CWC27: variants seen among roughly 807,000 people sequenced by gnomAD.
The protein encoded by CWC27 is spliceosome-associated protein CWC27 homolog.
In CWC27, 47 loss-of-function variants were observed where a neutral mutation model predicts 63.6. The ratio of observed to expected loss-of-function variants is 0.74; its 90% CI spans 0.58 to 0.94. The LOEUF is 0.94. CWC27 is among the 40% of genes least tolerant of loss of function. The probability of loss-of-function intolerance (pLI) is 0.00; values close to 1 mark genes in which losing one functional copy is unlikely to be tolerated. For missense variants in CWC27, 495 were observed against 554.3 expected (o/e 0.89, Z 1.07); for synonymous variants, 175 against 179.8 (o/e 0.97, Z 0.22).
chr5:64,826,759 G>A (rs1474193474), intron 10 of CWC27, among the ~76,000 whole-genome samples: 1 of 141,228 alleles, frequency 7.1e-6, no homozygotes, highest in Non-Finnish European at 1.5e-5. Flanking sequence ...CATGTCTTCT[G>A]CTTTCAGTTT....
intron 10 of CWC27, among the ~76,000 whole-genome samples, chr5:64,849,230 CA>C (rs139344029): frequency 0.4 from 52,769 of 132,660 alleles, 9,992 homozygotes; most frequent in East Asian, 0.53. Context: ...CAATAGCTAC[CA>C]AAAAAAAAAA....
intron 2 of CWC27, among the ~76,000 whole-genome samples, chr5:64,775,811 C>T (rs61665435): frequency 0.52 from 79,222 of 151,764 alleles, 21,355 homozygotes; most frequent in East Asian, 0.85. Flanking sequence ...TTCTAGAATA[C>T]ATTACATATG....
chr5:64,927,169 A>C (rs889454940), intron 11 of CWC27, among the ~76,000 whole-genome samples: 1 of 152,222 alleles, frequency 6.6e-6, no homozygotes, highest in Non-Finnish European at 1.5e-5. Flanking sequence ...ACAGTTTCAG[A>C]ACAGTTACAT....
At chr5:64,969,794 C>G (rs981735415) in intron 11 of CWC27, among the ~76,000 whole-genome samples, 1 of 152,092 alleles carries the variant, frequency 6.6e-6, no homozygotes, top group Admixed American at 6.5e-5. Flanking sequence ...AAAGGAGAGA[C>G]ATCTAAACCA....
At chr5:64,808,231 A>C in intron 10 of CWC27, 1 of 1,008,488 alleles carries the variant, frequency 9.9e-7, no homozygotes, top group African/African-American at 1.7e-5. Context: ...CATTAGTTTG[A>C]GAAGCAGTCC....
At chr5:64,772,899 T>C (rs982595380) in intron 1 of CWC27, among the ~76,000 whole-genome samples, 4 of 150,976 alleles carry the variant, frequency 2.6e-5, no homozygotes, top group Non-Finnish European at 4.4e-5. Flanking sequence ...ATCGTGCCGT[T>C]GCACTCCAGC....
At chr5:64,896,154 A>T (rs1747369422) in intron 11 of CWC27, among the ~76,000 whole-genome samples, 1 of 152,248 alleles carries the variant, frequency 6.6e-6, no homozygotes, top group Non-Finnish European at 1.5e-5. Context: ...TACCATTAAA[A>T]AAGCAAGAGC....
chr5:64,820,234 C>A (rs1580639720), intron 10 of CWC27, among the ~76,000 whole-genome samples: 1 of 152,250 alleles, frequency 6.6e-6, no homozygotes, highest in East Asian at 1.9e-4. Flanking sequence ...AGCTGTAAAT[C>A]TGACATGGAA....
At chr5:64,980,034 G>C (rs559736120) in intron 13 of CWC27, among the ~76,000 whole-genome samples, 17 of 151,454 alleles carry the variant, frequency 1.1e-4, no homozygotes, top group African/African-American at 3.9e-4. Context: ...TAAACAGTGC[G>C]TATGGTGTTT....
intron 11 of CWC27, among the ~76,000 whole-genome samples, chr5:64,944,961 C>A (rs1436771566): frequency 2.0e-5 from 3 of 152,012 alleles, no homozygotes; most frequent in African/African-American, 7.2e-5. Flanking sequence ...CTTCTGTTTA[C>A]CTCTCTGATC....
chr5:64,783,857 C>A lies in CWC27; in HGVS notation c.274C>A (p.Arg92Ser). 6.3e-7 allele frequency: 1 copy of A among 1,581,040 alleles called. No individual in the cohort carries two copies. The highest frequency in any genetic ancestry group is 8.6e-7 in the Non-Finnish European group (1 of 1,167,086). ...TCAGGATGAATTTCATTCACGGTTG[C>A]GTTTTAATCGGAGAGGACTGGTTGC... is the stretch of plus-strand genomic sequence containing the variant. Reference protein sequence around the residue: ...PFKDEFHSRLRFNRRGLVAMA... With the variant: ...PFKDEFHSRLSFNRRGLVAMA... Residue 92 changes from arginine (R) to serine (S), a missense_variant, in exon 4 of 14, where the codon CGT becomes AGT. This residue lies in a region of CWC27 where 463 missense variants were observed against 498.1 expected (regional missense o/e 0.93). Coordinates refer to ENST00000381070, the MANE Select transcript of CWC27 (RefSeq NM_005869.4).
chr5:64,782,756 A>C (rs1375810207), intron 3 of CWC27, among the ~76,000 whole-genome samples: 1 of 152,152 alleles, frequency 6.6e-6, no homozygotes, highest in African/African-American at 2.4e-5. Flanking sequence ...TCTTTTAATG[A>C]GTCATTGTGT....
At chr5:64,899,982 A>G (rs1296962426) in intron 11 of CWC27, among the ~76,000 whole-genome samples, 4 of 152,202 alleles carry the variant, frequency 2.6e-5, no homozygotes, top group Non-Finnish European at 5.9e-5. Context: ...CATGTTGTAT[A>G]TATCAGTAGT....
chr5:64,851,316 T>C lies in CWC27; in HGVS notation c.939-34127T>C, dbSNP rs141282272. Among the ~76,000 whole-genome samples the C allele has an allele frequency of 3.5e-3, 535 of 152,258 alleles. 4 individuals carry two copies. The highest frequency in any genetic ancestry group is 0.014 in the East Asian group (71 of 5,178). ...GCCAGGCACAGAAAGACAAATACCC[T>C]GTGTTCTCACTTATATGTGGACTCA... is the stretch of plus-strand genomic sequence containing the variant. On this transcript the variant is annotated intron_variant, in intron 10 of 13. Transcript: ENST00000381070.
chr5:64,922,869 T>A (rs2112392195), intron 11 of CWC27, among the ~76,000 whole-genome samples: 1 of 152,378 alleles, frequency 6.6e-6, no homozygotes, highest in East Asian at 1.9e-4. Context: ...ACTTCGTTTC[T>A]GGATGCTTTT....
At chr5:64,946,954 G>C (rs998820432) in intron 11 of CWC27, among the ~76,000 whole-genome samples, 2 of 152,076 alleles carry the variant, frequency 1.3e-5, no homozygotes, top group African/African-American at 4.8e-5. Context: ...CTAGTACATA[G>C]GTCTATGTGA....
At chr5:64,865,229 T>G (rs1334211851) in intron 10 of CWC27, among the ~76,000 whole-genome samples, 2 of 152,098 alleles carry the variant, frequency 1.3e-5, no homozygotes, top group Non-Finnish European at 2.9e-5. Context: ...GGCCCTTGGT[T>G]GTTAAATATT....
At chr5:64,964,568 G>A (rs908167098) in intron 11 of CWC27, among the ~76,000 whole-genome samples, 1 of 152,088 alleles carries the variant, frequency 6.6e-6, no homozygotes, top group Admixed American at 6.6e-5. Flanking sequence ...CTACATGCAG[G>A]CATACAGACA....
At chr5:64,996,538 T>G (rs1195728477) in intron 13 of CWC27, among the ~76,000 whole-genome samples, 1 of 152,098 alleles carries the variant, frequency 6.6e-6, no homozygotes, top group Non-Finnish European at 1.5e-5. Context: ...CTAGAAAGTG[T>G]TGTTGTGCCC....
Sources: allele counts gnomAD v4.1 joint callset (sites outside exome capture counted in the v4.1 genomes callset), GRCh38; gene constraint gnomAD v4.1.1; regional missense constraint gnomAD v4.1.1; transcripts MANE v1.5; gene names NCBI Gene and HGNC (gene_info 2026-07-23, HGNC 2026-07-21).